Variants in NOD2 observed in about 807,000 individuals in gnomAD.
NOD2 encodes the protein nucleotide binding oligomerization domain containing 2, also known as nucleotide-binding oligomerization domain-containing protein 2.
In NOD2, 86 loss-of-function variants were observed where a neutral mutation model predicts 90.9. The ratio of observed to expected loss-of-function variants is 0.95; its 90% confidence interval spans 0.79 to 1.13. The LOEUF is 1.13. Among genes scored for constraint, NOD2 ranks in the 50% most tolerant of loss-of-function variants. The pLI is 0.00. For missense variants in NOD2, 1,238 were observed against 1,283.8 expected (o/e 0.96, Z 0.55); for synonymous variants, 581 against 554.6 (o/e 1.05, Z -0.67).
At chr16:50,723,888 T>G (rs1362435112) in intron 9 of NOD2, among the ~76,000 whole-genome samples, 1 of 152,210 alleles carries the variant, frequency 6.6e-6, no homozygotes, top group Admixed American at 6.5e-5. Flanking sequence ...CTGCTGCTGC[T>G]GCTGCTGCTG....
chr16:50,711,866 C>T lies in NOD2; in HGVS notation c.1874C>T (p.Ser625Leu), dbSNP rs780773726. ...RLLPTMCIQA[S>L]EGKDSSVAAL... ...CTGCCCACGATGTGCATCCAGGCCT[C>T]GGAGGGAAAGGACAGCAGCGTGGCA... The change falls in exon 4 of 12, where the codon TCG becomes TTG. Residue 625 changes from serine (S) to leucine (L), a missense_variant. Coordinates refer to ENST00000647318, the MANE Select transcript of NOD2 (RefSeq NM_001370466.1). 8.1e-6 allele frequency: 13 copies of T among 1,611,176 alleles called. No homozygotes were observed. Among genetic ancestry groups the T allele is most frequent in the African/African-American group, 1.3e-5 (1 of 74,902 alleles).
At chr16:50,718,612 C>T (rs1455035595) in intron 6 of NOD2, among the ~76,000 whole-genome samples, 2 of 152,146 alleles carry the variant, frequency 1.3e-5, no homozygotes, top group South Asian at 2.1e-4. Context: ...CCAGACTGCC[C>T]GAGGTTTGAA....
At position 50,729,892 on chromosome 16, in the gene NOD2, T is replaced by C; in HGVS notation, c.2960T>C (p.Leu987Pro). 1 of 1,612,504 alleles carries C rather than the reference T, an allele frequency of 6.2e-7. No homozygotes were observed. ...LQALERNDTI[L>P]EVWLRGNTFS... ...GCCCTTGAAAGGAATGACACCATCC[T>C]GGAAGTCTGGTAAGGCCCCTGGGCA... is the stretch of plus-strand genomic sequence containing the variant. Residue 987 changes from leucine (L) to proline (P), a missense_variant, in exon 11 of 12, where the codon CTG becomes CCG. Physicochemically the swap from Leu to Pro is moderately conservative, Grantham distance 98. Coordinates refer to ENST00000647318, the MANE Select transcript of NOD2 (RefSeq NM_001370466.1).
In NOD2 at chr16:50,725,626, G is replaced by A. The variant is rs1035885042; in HGVS notation, c.2885+54G>A. 41 of 1,399,266 alleles carry A rather than the reference G, an allele frequency of 2.9e-5. No homozygotes were observed. In the East Asian group the frequency reaches 6.9e-4, roughly 23 times the overall value. 86.7% of individuals were successfully genotyped at this position (1,399,266 alleles called of 1,614,324 possible). ...CAATAATTGCTGGCCTTTGGAAGGG[G>A]CATTTCTGAATAAGATCTGGGCCGC... On this transcript the variant is annotated intron_variant, in intron 10 of 11. Coordinates refer to ENST00000647318, the MANE Select transcript of NOD2 (RefSeq NM_001370466.1).
intron 10 of NOD2, 132 bp from the exon 11 acceptor site, chr16:50,729,686 A>T (rs916901154): frequency 4.2e-6 from 3 of 712,826 alleles, no homozygotes; most frequent in South Asian, 2.9e-5. Flanking sequence ...GGAATCTCAG[A>T]CATGAGCAGG....
In NOD2 at chr16:50,731,749, TC is replaced by T; in HGVS notation, c.2974del (p.Arg992GlufsTer7). On this transcript the variant is annotated frameshift_variant, in exon 12 of 12. Coordinates refer to ENST00000647318, the MANE Select transcript of NOD2 (RefSeq NM_001370466.1). LOFTEE classifies it high-confidence loss of function. ...TCTGTTCACTTGATCTGCTTTAGGC[TC>T]CGAGGGAACACTTTCTCTCTAGAGG... is the stretch of plus-strand genomic sequence containing the variant. The part of the protein sequence containing the change: ...ERNDTILEVW[L>X]RGNTFSLEEV... 3 of 1,611,884 alleles carry T rather than the reference TC, an allele frequency of 1.9e-6. No individual in the cohort carries two copies. Among genetic ancestry groups the T allele is most frequent in the Non-Finnish European group, 2.5e-6 (3 of 1,177,948 alleles).
rs545734771 is a variant in NOD2, at chr16:50,722,681, A to T, written c.2693A>T (p.Asp898Val). 6.2e-7 allele frequency: 1 copy of T among 1,614,226 alleles called. No homozygotes were observed. The highest frequency in any genetic ancestry group is 2.2e-5 in the East Asian group (1 of 44,888). Residue 898 changes from aspartate to valine, a missense_variant, in exon 8 of 12, where the codon GAT (aspartate) becomes GTT (valine). Coordinates refer to ENST00000647318, the MANE Select transcript of NOD2 (RefSeq NM_001370466.1). ...GAQALAEALG[D>V]HQSLRWLSLV... Reference sequence around the variant, plus strand: ...CAGGCCCTGGCTGAAGCCTTGGGTGATCACCAGAGCTTGAGGTGGCTCAGG... The same window carrying T: ...CAGGCCCTGGCTGAAGCCTTGGGTGTTCACCAGAGCTTGAGGTGGCTCAGG...
Position 50,732,312 on chromosome 16 carries a change from TGG to T in NOD2, c.*494_*495del. 4 of 189,816 alleles carry T rather than the reference TGG, an allele frequency of 2.1e-5. No individual in the cohort carries two copies. Among genetic ancestry groups the T allele is most frequent in the Admixed American group, 1.1e-4 (2 of 18,910 alleles). The allele number at this position is 189,816 out of a possible 1,614,324, so 11.8% of individuals were successfully genotyped here. On this transcript the variant is annotated 3_prime_UTR_variant, in exon 12 of 12. Transcript: ENST00000647318. ...ATCCATCCAGGCCATTCCCCGTCTC[TGG>T]TTCCTCCCCTCCTCCTGGACTCCTG...
intron 4 of NOD2, 130 bp downstream of exon 4, chr16:50,712,503 C>T (rs1964586962): frequency 9.0e-7 from 1 of 1,109,944 alleles, no homozygotes; most frequent in African/African-American, 1.5e-5. Context: ...CAACACTGCC[C>T]AGATCCCTTC....
chr16:50,728,028 G>T (rs1291737931), intron 10 of NOD2: 2 of 250,200 alleles, frequency 8.0e-6, no homozygotes, highest in Non-Finnish European at 1.6e-5. Flanking sequence ...GAAATGGTTC[G>T]CTGTTGTTGT....
At position 50,697,246 on chromosome 16, in the gene NOD2, G is replaced by A. The variant is rs2150776459; in HGVS notation, c.-8-2242G>A. 2 of 1,556,332 alleles carry A rather than the reference G, an allele frequency of 1.3e-6. No individual in the cohort carries two copies. The highest frequency in any genetic ancestry group is 1.7e-6 in the Non-Finnish European group (2 of 1,149,384). ...CTCCCCCAGCCTAATGGGCTTTGAT[G>A]GGGGAAGAGGGTGGTTCAGCCTCTC... On this transcript the variant is annotated intron_variant, in intron 1 of 11. Transcript: ENST00000647318.
At chr16:50,697,226 C>T (rs1388764929) in intron 1 of NOD2, 9 of 1,552,658 alleles carry the variant, frequency 5.8e-6, no homozygotes, top group Middle Eastern at 1.7e-4. Context: ...GCCTGCTCCC[C>T]CAGCCTAATG....
At chr16:50,697,613 CCTCTTGG>C in intron 1 of NOD2, 1 of 447,500 alleles carries the variant, frequency 2.2e-6, no homozygotes, top group East Asian at 4.6e-5. Flanking sequence ...GCCACCCCAC[CCTCTTGG>C]CTCCTCTGCT....
intron 10 of NOD2, chr16:50,727,922 G>T: frequency 3.6e-6 from 1 of 280,142 alleles, no homozygotes; most frequent in South Asian, 3.6e-5. Context: ...TTTGCCTTTG[G>T]GAAGTGCTTT....
At chr16:50,713,306 A>T (rs1362651167) in intron 4 of NOD2, 2 of 152,194 alleles carry the variant, frequency 1.3e-5, no homozygotes, top group African/African-American at 2.4e-5. Flanking sequence ...GACCCTAAGC[A>T]TGGGACAAAC....
chr16:50,699,947 C>T lies in NOD2; in HGVS notation c.452C>T (p.Ser151Phe), dbSNP rs1487939558. 18 of 1,606,614 alleles carry T rather than the reference C, an allele frequency of 1.1e-5. No homozygotes were observed. Among genetic ancestry groups the T allele is most frequent in the Non-Finnish European group, 1.3e-5 (15 of 1,179,732 alleles). ...ATCAGGTTGCCGATCTTCACACCGT[C>T]CCAGAGGGTGAGGCACTCCTGGTGT... The part of the protein sequence containing the change: ...DEIRLPIFTP[S>F]QRARRLLDLA... The change falls in exon 2 of 12, where the codon TCC becomes TTC. Residue 151 changes from serine to phenylalanine, a missense_variant. By Grantham distance (155) the Ser-to-Phe change is radical. Around this residue, in one of 3 missense-constraint regions of NOD2, gnomAD observed 567 missense variants for 577.3 expected, o/e 0.98. Coordinates refer to ENST00000647318, the MANE Select transcript of NOD2 (RefSeq NM_001370466.1).
chr16:50,722,559 C>A, intron 7 of NOD2, 63 bp from the exon 8 acceptor site: 1 of 1,465,378 alleles, frequency 6.8e-7, no homozygotes, highest in Non-Finnish European at 9.6e-7. Context: ...ACTGTTAGTT[C>A]ATGTCTAGAA....
At position 50,711,650 on chromosome 16, in the gene NOD2, T is replaced by C. The variant is rs747275567; in HGVS notation, c.1658T>C (p.Ile553Thr). 2 of 1,613,112 alleles carry C rather than the reference T, an allele frequency of 1.2e-6. No individual in the cohort carries two copies. The highest frequency in any genetic ancestry group is 1.6e-4 in the Middle Eastern group (1 of 6,062). Residue 553 changes from isoleucine to threonine, a missense_variant, in exon 4 of 12, where the codon ATT becomes ACT. Coordinates refer to ENST00000647318, the MANE Select transcript of NOD2 (RefSeq NM_001370466.1). Reference protein sequence around the residue: ...LQAAQVSPDDISLGFLVRAKG... With the variant: ...LQAAQVSPDDTSLGFLVRAKG... ...GCAGCACAGGTCAGCCCTGATGACATTTCTCTTGGCTTCCTGGTGCGTGCC... is the reference window on the plus strand; with the variant it reads ...GCAGCACAGGTCAGCCCTGATGACACTTCTCTTGGCTTCCTGGTGCGTGCC...
intron 2 of NOD2, among the ~76,000 whole-genome samples, chr16:50,700,163 C>T (rs1480071636): frequency 6.6e-6 from 1 of 152,216 alleles, no homozygotes; most frequent in Non-Finnish European, 1.5e-5. Flanking sequence ...TTTTCTCACT[C>T]TGTTACCCTG....
Sources: allele counts gnomAD v4.1 joint callset (sites outside exome capture counted in the v4.1 genomes callset), GRCh38; gene constraint gnomAD v4.1.1; regional missense constraint gnomAD v4.1.1; transcripts MANE v1.5; gene names NCBI Gene and HGNC (gene_info 2026-07-23, HGNC 2026-07-21).